USP25: variants seen among roughly 807,000 people sequenced by gnomAD.
USP25 encodes ubiquitin carboxyl-terminal hydrolase 25.
A neutral mutation model predicts 158.5 loss-of-function variants in USP25; 85 were observed. The ratio of observed to expected loss-of-function variants is 0.54; its 90% CI spans 0.45 to 0.64. The LOEUF (loss-of-function observed/expected upper bound fraction) is 0.64, where lower values mean the gene tolerates loss of function less well. Among genes scored for constraint, USP25 ranks in the 30% least tolerant of loss-of-function variants. The pLI, the probability that USP25 is intolerant of heterozygous loss-of-function variation, is 0.00. For missense variants in USP25, 1,242 were observed against 1,327.3 expected (o/e 0.94, Z 1.00); for synonymous variants, 464 against 460.4 (o/e 1.01, Z -0.10).
intron 23 of USP25, among the ~76,000 whole-genome samples, chr21:15,872,794 C>T (rs538989078): frequency 6.6e-6 from 1 of 152,100 alleles, no homozygotes; most frequent in East Asian, 1.9e-4. Flanking sequence ...TTACATTTAA[C>T]ATTTGGGATG....
At chr21:15,865,340 G>A (rs2039609522) in intron 21 of USP25, among the ~76,000 whole-genome samples, 1 of 152,082 alleles carries the variant, frequency 6.6e-6, no homozygotes. Flanking sequence ...TTTTATGAGT[G>A]TCTCAAAAAT....
intron 22 of USP25, among the ~76,000 whole-genome samples, chr21:15,867,295 A>G (rs375933642): frequency 8.1e-4 from 123 of 152,172 alleles, no homozygotes; most frequent in African/African-American, 2.8e-3. Context: ...TTCCATTTAC[A>G]AACTTAATTA....
chr21:15,864,201 T>A, intron 20 of USP25, 67 bp from the exon 21 acceptor site: 1 of 1,435,780 alleles, frequency 7.0e-7, no homozygotes, highest in Non-Finnish European at 9.5e-7. Flanking sequence ...ATTAAACTCA[T>A]AATATTGAAG....
chr21:15,730,317 A>G lies in USP25; in HGVS notation c.-77A>G. The G allele has an allele frequency of 9.6e-7, 1 of 1,037,014 alleles. No homozygotes were observed. 64.2% of individuals were successfully genotyped at this position (1,037,014 alleles called of 1,614,324 possible). On this transcript the variant is annotated 5_prime_UTR_variant, in exon 1 of 26. Transcript: ENST00000400183. ...CGCGCCGCTCCCTGGAGCTCGGCGGAGCGCGGCAGCCAGGGCCGGCGGAGG... is the reference window on the plus strand; with the variant it reads ...CGCGCCGCTCCCTGGAGCTCGGCGGGGCGCGGCAGCCAGGGCCGGCGGAGG...
chr21:15,820,761 CA>C (rs2037190742), intron 10 of USP25, among the ~76,000 whole-genome samples: 1 of 152,066 alleles, frequency 6.6e-6, no homozygotes, highest in East Asian at 1.9e-4. Flanking sequence ...TCCCTGATAA[CA>C]ATAGCTTTTT....
At chr21:15,834,618 AC>A (rs2037972069) in intron 17 of USP25, among the ~76,000 whole-genome samples, 1 of 152,242 alleles carries the variant, frequency 6.6e-6, no homozygotes, top group African/African-American at 2.4e-5. Context: ...TTACAGTGCT[AC>A]AATGTAGTAT....
intron 10 of USP25, among the ~76,000 whole-genome samples, chr21:15,820,620 CTAAAG>C (rs1454318721): frequency 4.0e-5 from 6 of 151,866 alleles, no homozygotes; most frequent in African/African-American, 1.4e-4. Context: ...CTGTCACTGA[CTAAAG>C]TATAGTATCA....
At chr21:15,878,081 T>C in intron 25 of USP25, 90 bp downstream of exon 25, 1 of 1,098,556 alleles carries the variant, frequency 9.1e-7, no homozygotes, top group Non-Finnish European at 1.3e-6. Context: ...ATTTTTTATA[T>C]TAAATACAAT....
At chr21:15,828,497 C>T (rs547306499) in intron 14 of USP25, among the ~76,000 whole-genome samples, 3 of 152,054 alleles carry the variant, frequency 2.0e-5, no homozygotes, top group South Asian at 2.1e-4. Context: ...GAGAGAGGGA[C>T]GAATCGAATG....
At chr21:15,802,973 C>T (rs757216571) in intron 6 of USP25, among the ~76,000 whole-genome samples, 11 of 151,552 alleles carry the variant, frequency 7.3e-5, no homozygotes, top group Non-Finnish European at 1.5e-5. Context: ...AGGGAAACAT[C>T]ACTACATACT....
In USP25 at chr21:15,846,151, TATATATA is replaced by T. The variant is rs1487924004; in HGVS notation, c.2338-1511_2338-1505del. ...ATATATATATATATATATATATATATATATATATTTTTTTTTTTTTTTTTTTTTTGAG... is the reference window on the plus strand; with the variant it reads ...ATATATATATATATATATATATATATTTTTTTTTTTTTTTTTTTTTTTGAG... On this transcript the variant is annotated intron_variant, in intron 18 of 25. Coordinates refer to ENST00000400183, the MANE Select transcript of USP25 (RefSeq NM_001283041.3). Among the ~76,000 whole-genome samples, 458 of 68,308 alleles carry T rather than the reference TATATATA, an allele frequency of 6.7e-3. 10 individuals are homozygous for T. Among genetic ancestry groups the T allele is most frequent in the African/African-American group, 0.047 (385 of 8,204 alleles). 44.8% of individuals were successfully genotyped at this position (68,308 alleles called of 152,430 possible). A position where few individuals can be genotyped will look rare whatever the true frequency, so the allele number is the denominator to read the frequency against.
intron 23 of USP25, among the ~76,000 whole-genome samples, chr21:15,871,106 T>C (rs926947458): frequency 6.6e-6 from 1 of 152,324 alleles, no homozygotes; most frequent in Admixed American, 6.5e-5. Context: ...GACAGTACTT[T>C]CATTTTTATA....
At position 15,859,987 on chromosome 21, in the gene USP25, C is replaced by A. The variant is rs1275180839; in HGVS notation, c.2548-4281C>A. Among the ~76,000 whole-genome samples, 391 of 131,952 alleles carry A rather than the reference C, an allele frequency of 3.0e-3. 2 individuals are homozygous for A. Among genetic ancestry groups the A allele is most frequent in the African/African-American group, 0.01 (339 of 32,538 alleles). 86.6% of individuals were successfully genotyped at this position (131,952 alleles called of 152,430 possible). A position where few individuals can be genotyped will look rare whatever the true frequency, so the allele number is the denominator to read the frequency against. The stretch of plus-strand genomic sequence containing the variant: ...TATATATGTATATATATATATATAT[C>A]TATATTTTTTTTTTTTTTTTGGATG... On this transcript the variant is annotated intron_variant, in intron 20 of 25. Coordinates refer to ENST00000400183, the MANE Select transcript of USP25 (RefSeq NM_001283041.3).
intron 22 of USP25, among the ~76,000 whole-genome samples, chr21:15,869,760 C>G (rs2039808845): frequency 6.6e-6 from 1 of 152,004 alleles, no homozygotes; most frequent in South Asian, 2.1e-4. Flanking sequence ...TGATTTTATA[C>G]TGATGAATTT....
intron 22 of USP25, among the ~76,000 whole-genome samples, 176 bp downstream of exon 22, chr21:15,866,520 A>G (rs1568910567): frequency 6.6e-6 from 1 of 152,156 alleles, no homozygotes; most frequent in Non-Finnish European, 1.5e-5. Flanking sequence ...TAGGATTAAC[A>G]TGATATGATA....
chr21:15,860,975 T>TATAG lies in USP25; in HGVS notation c.2548-3292_2548-3291insTAGA, dbSNP rs910137325. Among the ~76,000 whole-genome samples the TATAG allele has an allele frequency of 3.4e-3, 478 of 140,654 alleles. 1 individual carries two copies. Among genetic ancestry groups the TATAG allele is most frequent in the Middle Eastern group, 7.6e-3 (2 of 264 alleles). 92.3% of individuals were successfully genotyped at this position (140,654 alleles called of 152,430 possible). On this transcript the variant is annotated intron_variant, in intron 20 of 25. Coordinates refer to ENST00000400183, the MANE Select transcript of USP25 (RefSeq NM_001283041.3). Reference sequence around the variant, plus strand: ...CTTCATATATATATATATATATATATAGAGAGAGAGAGAGAGAGAGTTTAC... The same window carrying TATAG: ...CTTCATATATATATATATATATATATATAGAGAGAGAGAGAGAGAGAGAGTTTAC...
In USP25 at chr21:15,762,881, C is replaced by T. The variant is rs373660931; in HGVS notation, c.46-10C>T. ...AGAATATAATGATTTTGGGTTTTTC[C>T]TCCCTCTAGCACCAGCAGACGTTTT... On this transcript the variant is annotated splice_polypyrimidine_tract_variant and intron_variant, in intron 1 of 25. Coordinates refer to ENST00000400183, the MANE Select transcript of USP25 (RefSeq NM_001283041.3). 63 of 1,602,854 alleles carry T rather than the reference C, an allele frequency of 3.9e-5. No homozygotes were observed. In the African/African-American group the frequency reaches 7.7e-4, roughly 20 times the overall value.
chr21:15,809,681 C>G (rs1178160282), intron 8 of USP25, among the ~76,000 whole-genome samples: 1 of 152,082 alleles, frequency 6.6e-6, no homozygotes, highest in Non-Finnish European at 1.5e-5. Flanking sequence ...AGCAGGGTTT[C>G]AAAGAGATAT....
chr21:15,831,628 A>C lies in USP25; in HGVS notation c.1992A>C (p.Gln664His), dbSNP rs765100111. 2 of 1,611,210 alleles carry C rather than the reference A, an allele frequency of 1.2e-6. No homozygotes were observed. The highest frequency in any genetic ancestry group is 1.7e-6 in the Non-Finnish European group (2 of 1,177,726). ...ATGATAAGGCACAGTTCCTAATACA[A>C]GGTAAGAATATATAGGGTGGTGTGT... ...YINDKAQFLI[Q>H]EEFNKETGQP... is the part of the protein sequence containing the mutation. Residue 664 changes from glutamine (Q) to histidine (H), a missense_variant and splice_region_variant, in exon 16 of 26, where the codon CAA becomes CAC. Gln to His is a conservative substitution (Grantham distance 24). Transcript: ENST00000400183.
Sources: allele counts gnomAD v4.1 joint callset (sites outside exome capture counted in the v4.1 genomes callset), GRCh38; gene constraint gnomAD v4.1.1; transcripts MANE v1.5; gene names NCBI Gene and HGNC (gene_info 2026-07-23, HGNC 2026-07-21).